The following HECTD4 variants were observed in gnomAD, a reference collection of about 807,000 sequenced individuals.
HECTD4 encodes the protein HECT domain E3 ubiquitin protein ligase 4, also known as probable E3 ubiquitin-protein ligase HECTD4.
A neutral mutation model predicts 471.5 loss-of-function variants in HECTD4; 114 were observed. The ratio of observed to expected loss-of-function variants is 0.24; its 90% CI spans 0.21 to 0.28. HECTD4 has a LOEUF of 0.28. Among genes scored for constraint, HECTD4 ranks in the 10% least tolerant of loss-of-function variants. The pLI, the probability that HECTD4 is intolerant of heterozygous loss-of-function variation, is 1.00. For synonymous variants in HECTD4, 2,012 were observed against 2,256.0 expected, an observed-to-expected ratio of 0.89 and a Z score of 3.07; for missense variants, 3,866 against 5,651.5, an observed-to-expected ratio of 0.68 and a Z score of 10.13.
At chr12:112,181,612 G>A (rs959378280) in intron 62 of HECTD4, among the ~76,000 whole-genome samples, 67 of 152,134 alleles carry the variant, frequency 4.4e-4, no homozygotes, top group African/African-American at 1.6e-3. Context: ...ACAGGCATAC[G>A]CCACCACGCC....
chr12:112,246,141 A>AAAAAAT (rs1555253152), intron 29 of HECTD4, among the ~76,000 whole-genome samples: 1 of 148,900 alleles, frequency 6.7e-6, no homozygotes, highest in African/African-American at 2.5e-5. Flanking sequence ...CAAAAAAATA[A>AAAAAAT]AAAATAAAAT....
chr12:112,302,489 A>T (rs2035186202), intron 7 of HECTD4: 1 of 742,226 alleles, frequency 1.3e-6, no homozygotes, highest in Non-Finnish European at 2.5e-6. Context: ...CTGCAACCTG[A>T]CATAGCGGGC....
chr12:112,226,192 TACAC>T (rs58470224), intron 44 of HECTD4, among the ~76,000 whole-genome samples: 10 of 150,436 alleles, frequency 6.6e-5, no homozygotes, highest in Admixed American at 2.0e-4. Context: ...GACTTTTCCA[TACAC>T]ACACACACAC....
intron 1 of HECTD4, among the ~76,000 whole-genome samples, chr12:112,359,375 T>A (rs1008766466): frequency 8.6e-5 from 13 of 151,490 alleles, no homozygotes; most frequent in Admixed American, 8.6e-4. Context: ...ACCACCCCCC[T>A]CCCCAGCAAC....
In HECTD4 at chr12:112,162,670, G is replaced by A; in HGVS notation, c.13121-147C>T. 1 of 890,748 alleles carries A rather than the reference G, an allele frequency of 1.1e-6. No homozygotes were observed. The highest frequency in any genetic ancestry group is 1.7e-6 in the Non-Finnish European group (1 of 584,736). 55.2% of individuals were successfully genotyped at this position (890,748 alleles called of 1,614,324 possible). On this transcript the variant is annotated intron_variant, in intron 75 of 75. Transcript: ENST00000682272. This position sits in a 1 kb window ranked among gnomAD's most constrained non-coding sequence, Gnocchi z 5.2. ...CCAGCAGGAGGGGGATGAGGGCCTG[G>A]GAACCTGCGAGATGTTCTTGGAGGG...
In HECTD4 at chr12:112,254,154, T is replaced by C; in HGVS notation, c.3336A>G (p.Ile1112Met). The C allele has an allele frequency of 1.2e-6, 2 of 1,613,944 alleles. No individual in the cohort carries two copies. Among genetic ancestry groups the C allele is most frequent in the East Asian group, 2.2e-5 (1 of 44,892 alleles). ...SSQYDYDKLV[I>M]YAGPNTNSRK... ...TACTGTTTGTGTTAGGCCCCGCATA[T>C]ATCACCAACTTCAAAACAGAAAATA... The change falls in exon 22 of 76, where the codon ATA becomes ATG. Residue 1112 changes from isoleucine to methionine, a missense_variant. Ile to Met is a conservative substitution (Grantham distance 10). Around this residue, in one of 16 missense-constraint regions of HECTD4, gnomAD observed 281 missense variants for 499.9 expected, o/e 0.56. Coordinates refer to ENST00000682272, the MANE Select transcript of HECTD4 (RefSeq NM_001388303.1).
chr12:112,210,431 A>G (rs2032728609), intron 49 of HECTD4, among the ~76,000 whole-genome samples, 179 bp from the exon 50 acceptor site: 1 of 152,206 alleles, frequency 6.6e-6, no homozygotes. Flanking sequence ...AGCCCTGTAC[A>G]GCCAGCCCTG....
At chr12:112,380,772 G>A (rs1239950292) in intron 1 of HECTD4, among the ~76,000 whole-genome samples, 1 of 152,136 alleles carries the variant, frequency 6.6e-6, no homozygotes, top group Admixed American at 6.5e-5. Context: ...GAACGTATTC[G>A]CATCTCAAGC....
chr12:112,256,190 A>G lies in HECTD4; in HGVS notation c.3327+130T>C, dbSNP rs1269340125. On this transcript the variant is annotated intron_variant, in intron 21 of 75. Transcript: ENST00000682272. ...TCAAAGATAAGAACTTTATCTTAGG[A>G]AAGTTCTCCTTAGAGATATCTGCAG... 4 of 608,080 alleles carry G rather than the reference A, an allele frequency of 6.6e-6. No individual in the cohort carries two copies. The South Asian group carries it at 1.5e-4, about 23-fold the overall frequency. 37.7% of individuals were successfully genotyped at this position (608,080 alleles called of 1,614,324 possible).
chr12:112,377,273 A>T (rs2036798892), intron 1 of HECTD4, among the ~76,000 whole-genome samples: 2 of 145,120 alleles, frequency 1.4e-5, no homozygotes, highest in Non-Finnish European at 3.0e-5. Flanking sequence ...CAACTCTAAT[A>T]AAAAAAAAAA....
Position 112,179,115 on chromosome 12 carries a change from AG to A in HECTD4, c.11212-34del. On this transcript the variant is annotated intron_variant, in intron 63 of 75. Transcript: ENST00000682272. The surrounding 1 kb of genome is among the most constrained non-coding windows in gnomAD (Gnocchi z 4.3). ...GCACAGAGGCAGCGGGGAGGCTCTC[AG>A]GTTCGCCCTGCAGGGCACCCAAGGC... is the stretch of plus-strand genomic sequence containing the variant. The A allele has an allele frequency of 6.2e-7, 1 of 1,613,710 alleles. No individual in the cohort carries two copies. The highest frequency in any genetic ancestry group is 8.5e-7 in the Non-Finnish European group (1 of 1,179,824).
At chr12:112,249,297 T>G (rs995872336) in intron 25 of HECTD4, among the ~76,000 whole-genome samples, 14 of 149,606 alleles carry the variant, frequency 9.4e-5, no homozygotes, top group African/African-American at 3.2e-4. Flanking sequence ...GAGGTTGTAG[T>G]GAGCCAAGAT....
intron 9 of HECTD4, 96 bp from the exon 10 acceptor site, chr12:112,275,056 C>T: frequency 1.4e-6 from 1 of 727,294 alleles, no homozygotes; most frequent in Non-Finnish European, 2.3e-6. Context: ...AAAATCACAC[C>T]CTTTTCTTGT....
rs781150560 is a variant in HECTD4, at chr12:112,258,517, C to T, written c.3107G>A (p.Cys1036Tyr). 4.4e-6 allele frequency: 7 copies of T among 1,596,558 alleles called. No homozygotes were observed. Among genetic ancestry groups the T allele is most frequent in the Non-Finnish European group, 6.0e-6 (7 of 1,173,362 alleles). ...CSPCGAPDQK[C>Y]RLFPDERMLE... ...TTACCTCTCATCAGGGAACAGCCTG[C>T]ACTTCTGGTCTGGTGCACCACACGG... The change falls in exon 20 of 76, where the codon TGC (cysteine) becomes TAC (tyrosine). Residue 1036 changes from cysteine to tyrosine, a missense_variant. Coordinates refer to ENST00000682272, the MANE Select transcript of HECTD4 (RefSeq NM_001388303.1).
chr12:112,281,540 A>G (rs552314999), intron 8 of HECTD4, among the ~76,000 whole-genome samples: 3 of 152,298 alleles, frequency 2.0e-5, no homozygotes, highest in African/African-American at 7.2e-5. Flanking sequence ...TTTAGGTAAC[A>G]ACAAAAACAA....
chr12:112,178,776 C>T (rs1012042748), intron 64 of HECTD4, among the ~76,000 whole-genome samples, 155 bp downstream of exon 64: 2 of 152,234 alleles, frequency 1.3e-5, no homozygotes, highest in Admixed American at 6.5e-5. Flanking sequence ...GAGCTGTGAT[C>T]GGGCCGCTGC....
At position 112,319,139 on chromosome 12, in the gene HECTD4, C is replaced by G. The variant is rs2035539788; in HGVS notation, c.695+86G>C. 1 of 1,294,850 alleles carries G rather than the reference C, an allele frequency of 7.7e-7. No individual in the cohort carries two copies. The highest frequency in any genetic ancestry group is 1.1e-6 in the Non-Finnish European group (1 of 951,358). The allele number at this position is 1,294,850 out of a possible 1,614,324, so 80.2% of individuals were successfully genotyped here. On this transcript the variant is annotated intron_variant, in intron 2 of 75. Transcript: ENST00000682272. This position sits in a 1 kb window ranked among gnomAD's most constrained non-coding sequence, Gnocchi z 5.3. ...GACTTCTGAATGTTAAGACTTCTATCAAATATACTTGGCCTCTTCTTCATT... is the reference window on the plus strand; with the variant it reads ...GACTTCTGAATGTTAAGACTTCTATGAAATATACTTGGCCTCTTCTTCATT...
At chr12:112,317,813 T>C (rs2035509391) in intron 2 of HECTD4, among the ~76,000 whole-genome samples, 1 of 151,924 alleles carries the variant, frequency 6.6e-6, no homozygotes. Context: ...ACCCCGTCTC[T>C]ACCAAAGATA....
chr12:112,230,491 A>T (rs2033353397), intron 40 of HECTD4, among the ~76,000 whole-genome samples, 196 bp downstream of exon 40: 1 of 152,196 alleles, frequency 6.6e-6, no homozygotes. Flanking sequence ...CAAAATGAGA[A>T]CCGGGAGTGA....
Sources: gnomAD v4.1 joint callset for allele counts (sites outside exome capture counted in the v4.1 genomes callset) on GRCh38, gnomAD v4.1.1 for gene constraint, gnomAD v4.1.1 regional missense constraint, Gnocchi (gnomAD v3.1) non-coding constraint, MANE v1.5 for transcripts, NCBI Gene and HGNC (gene_info 2026-07-23, HGNC 2026-07-21) for gene names.